Variants in ABRAXAS2 observed in about 807,000 individuals in gnomAD.
ABRAXAS2 encodes the protein BRISC complex subunit Abraxas 2.
In ABRAXAS2, 23 loss-of-function variants were observed where a neutral mutation model predicts 49.0. That is an observed-to-expected ratio of 0.47 (90% CI 0.34 to 0.66). The LOEUF (loss-of-function observed/expected upper bound fraction) is 0.66. Among genes scored for constraint, ABRAXAS2 ranks in the 30% least tolerant of loss-of-function variants. ABRAXAS2 has a pLI of 0.01. For missense variants in ABRAXAS2, 443 were observed against 511.9 expected, an observed-to-expected ratio of 0.87 and a Z score of 1.30; for synonymous variants, 168 against 180.2, an observed-to-expected ratio of 0.93 and a Z score of 0.54.
In ABRAXAS2 at chr10:124,836,333, A is replaced by C. The variant is rs1950968196; in HGVS notation, c.*1362A>C. 6.6e-6 allele frequency: 1 copy of C among 152,222 alleles called. No individual in the cohort carries two copies. Among genetic ancestry groups the C allele is most frequent in the Admixed American group, 6.5e-5 (1 of 15,268 alleles). 9.4% of individuals were successfully genotyped at this position (152,222 alleles called of 1,614,324 possible). The stretch of plus-strand genomic sequence containing the variant: ...AAATTAGACAGTATCATATAGACGG[A>C]AAATGAAATGCTAGAACTGCCGTTC... On this transcript the variant is annotated 3_prime_UTR_variant, in exon 9 of 9. Coordinates refer to ENST00000298492, the MANE Select transcript of ABRAXAS2 (RefSeq NM_032182.4).
intron 4 of ABRAXAS2, among the ~76,000 whole-genome samples, chr10:124,825,211 G>A (rs1229643224): frequency 6.6e-6 from 1 of 151,656 alleles, no homozygotes; most frequent in South Asian, 2.1e-4. Flanking sequence ...CCAGCTGCTC[G>A]GGAGGCTGAA....
rs747350947 is a variant in ABRAXAS2, at chr10:124,828,788, A to G, written c.491A>G (p.Asn164Ser). 2.5e-6 allele frequency: 4 copies of G among 1,613,750 alleles called. No homozygotes were observed. The highest frequency in any genetic ancestry group is 1.1e-5 in the South Asian group (1 of 91,072). Reference protein sequence around the residue: ...YNQRISLAIPNLGNTSQQEYK... With the variant: ...YNQRISLAIPSLGNTSQQEYK... ...CAGAGGATATCACTCGCTATTCCCA[A>G]TCTAGGAAATACTAGCCAGCAAGAG... is the stretch of plus-strand genomic sequence containing the variant. Residue 164 changes from asparagine to serine, a missense_variant, in exon 6 of 9, where the codon AAT becomes AGT. By Grantham distance (46) the Asn-to-Ser change is conservative. This residue lies in a region of ABRAXAS2 where 166 missense variants were observed against 247.3 expected (regional missense o/e 0.67). Transcript: ENST00000298492.
At chr10:124,819,305 ACC>A in intron 3 of ABRAXAS2, 77 bp from the exon 4 acceptor site, 1 of 1,115,260 alleles carries the variant, frequency 9.0e-7, no homozygotes, top group Non-Finnish European at 1.4e-6. Flanking sequence ...CATTAGGGTT[ACC>A]ACAGGCATAT....
At chr10:124,826,268 A>G (rs1228785393) in intron 4 of ABRAXAS2, among the ~76,000 whole-genome samples, 1 of 151,978 alleles carries the variant, frequency 6.6e-6, no homozygotes, top group East Asian at 1.9e-4. Context: ...TCTTTATGTC[A>G]CTAGATTAGT....
chr10:124,814,114 C>T (rs1318336796), intron 2 of ABRAXAS2, among the ~76,000 whole-genome samples: 2 of 152,018 alleles, frequency 1.3e-5, no homozygotes, highest in Non-Finnish European at 2.9e-5. Context: ...GCCTCAGTCC[C>T]GCAAGTAGCT....
At chr10:124,817,758 A>AC (rs1472515930) in intron 3 of ABRAXAS2, among the ~76,000 whole-genome samples, 1 of 151,914 alleles carries the variant, frequency 6.6e-6, no homozygotes, top group Non-Finnish European at 1.5e-5. Flanking sequence ...TCGAACATCC[A>AC]CCCGCACCTA....
At chr10:124,802,993 T>C (rs1174405820) in intron 1 of ABRAXAS2, among the ~76,000 whole-genome samples, 1 of 152,218 alleles carries the variant, frequency 6.6e-6, no homozygotes, top group African/African-American at 2.4e-5. Context: ...TAGGAATATA[T>C]ACATCATGGG....
intron 2 of ABRAXAS2, among the ~76,000 whole-genome samples, chr10:124,814,095 G>C (rs186108541): frequency 1.3e-5 from 2 of 151,942 alleles, no homozygotes; most frequent in African/African-American, 2.4e-5. Context: ...AGTTTCAAGC[G>C]GTTCTCCTGC....
intron 4 of ABRAXAS2, among the ~76,000 whole-genome samples, chr10:124,825,253 G>A (rs891319971): frequency 2.0e-5 from 3 of 149,902 alleles, no homozygotes; most frequent in African/African-American, 7.4e-5. Flanking sequence ...AGGAGGTGGA[G>A]GTTGCTGTGA....
At chr10:124,823,983 T>C (rs2134168517) in intron 4 of ABRAXAS2, among the ~76,000 whole-genome samples, 1 of 152,328 alleles carries the variant, frequency 6.6e-6, no homozygotes, top group South Asian at 2.1e-4. Flanking sequence ...AATGGCATGA[T>C]CACAGCTCAC....
chr10:124,813,179 C>T (rs898439321), intron 2 of ABRAXAS2, among the ~76,000 whole-genome samples: 5 of 152,048 alleles, frequency 3.3e-5, no homozygotes, highest in South Asian at 4.1e-4. Context: ...CCAGCCTGGG[C>T]GACAAAGCGA....
chr10:124,802,369 C>T (rs901064140), intron 1 of ABRAXAS2, among the ~76,000 whole-genome samples: 7 of 152,234 alleles, frequency 4.6e-5, no homozygotes, highest in African/African-American at 1.7e-4. Context: ...GAAACCGTGG[C>T]TGTCACTACT....
Position 124,836,064 on chromosome 10 carries a change from A to G in ABRAXAS2, c.*1093A>G, listed in dbSNP as rs1213957882. Reference sequence around the variant, plus strand: ...GACTACTTGTTTTCTAGTTTTGCCCACAACGTCTGAAACCACTAAGACATT... The same window carrying G: ...GACTACTTGTTTTCTAGTTTTGCCCGCAACGTCTGAAACCACTAAGACATT... On this transcript the variant is annotated 3_prime_UTR_variant, in exon 9 of 9. Coordinates refer to ENST00000298492, the MANE Select transcript of ABRAXAS2 (RefSeq NM_032182.4). The G allele has an allele frequency of 2.0e-5, 3 of 152,594 alleles. No homozygotes were observed. Among genetic ancestry groups the G allele is most frequent in the East Asian group, 1.9e-4 (1 of 5,200 alleles). The allele number at this position is 152,594 out of a possible 1,614,324, so 9.5% of individuals were successfully genotyped here. A position where few individuals can be genotyped will look rare whatever the true frequency, so the allele number is the denominator to read the frequency against.
At chr10:124,822,791 C>CAA (rs538474876) in intron 4 of ABRAXAS2, among the ~76,000 whole-genome samples, 2 of 65,748 alleles carry the variant, frequency 3.0e-5, no homozygotes, top group Non-Finnish European at 6.9e-5. Context: ...GACTCCAACT[C>CAA]AAAAAAAAAA....
In ABRAXAS2 at chr10:124,804,867, C is replaced by T. The variant is rs1036199381; in HGVS notation, c.73-1964C>T. On this transcript the variant is annotated intron_variant, in intron 1 of 8. Coordinates refer to ENST00000298492, the MANE Select transcript of ABRAXAS2 (RefSeq NM_032182.4). ...TAGCTGGGATTACAGGTGCGCACCA[C>T]CACACCCATCTAGTTTTTATATTTT... Among the ~76,000 whole-genome samples the T allele has an allele frequency of 2.6e-5, 4 of 151,796 alleles. No individual in the cohort carries two copies. The South Asian group carries it at 8.3e-4, about 32-fold the overall frequency.
intron 1 of ABRAXAS2, among the ~76,000 whole-genome samples, 173 bp downstream of exon 1, chr10:124,802,074 C>G: frequency 6.6e-6 from 1 of 152,158 alleles, no homozygotes; most frequent in East Asian, 1.9e-4. Flanking sequence ...CCTCTGGGGG[C>G]TCCTTCGCCC....
chr10:124,828,998 C>A, intron 6 of ABRAXAS2, 123 bp downstream of exon 6: 1 of 935,124 alleles, frequency 1.1e-6, no homozygotes, highest in Non-Finnish European at 1.6e-6. Context: ...TTGAAGAATA[C>A]AGTAAGGTAA....
chr10:124,807,742 C>G (rs181833947), intron 2 of ABRAXAS2, among the ~76,000 whole-genome samples: 1 of 152,264 alleles, frequency 6.6e-6, no homozygotes, highest in East Asian at 1.9e-4. Flanking sequence ...GTATTCCTTA[C>G]CCACCAATGG....
At chr10:124,817,582 G>A (rs139771923) in intron 3 of ABRAXAS2, among the ~76,000 whole-genome samples, 13 of 152,088 alleles carry the variant, frequency 8.5e-5, no homozygotes, top group African/African-American at 2.9e-4. Context: ...TACAATCAGC[G>A]TTCTTGATCA....
Sources: allele counts gnomAD v4.1 joint callset (sites outside exome capture counted in the v4.1 genomes callset), GRCh38; gene constraint gnomAD v4.1.1; regional missense constraint gnomAD v4.1.1; transcripts MANE v1.5; gene names NCBI Gene and HGNC (gene_info 2026-07-23, HGNC 2026-07-21).